The following SLC2A3 variants were observed in gnomAD, a reference collection of about 807,000 sequenced individuals.
SLC2A3 encodes the protein solute carrier family 2 member 3, also known as solute carrier family 2, facilitated glucose transporter member 3.
In SLC2A3, 21 loss-of-function variants were observed where a neutral mutation model predicts 46.4. The ratio of observed to expected loss-of-function variants is 0.45; its 90% CI spans 0.32 to 0.65. The LOEUF is 0.65. SLC2A3 is among the 30% of genes least tolerant of loss of function. The pLI, the probability that SLC2A3 is intolerant of heterozygous loss-of-function variation, is 0.04. For missense variants in SLC2A3, 499 were observed against 623.3 expected (o/e 0.80, Z 2.12); for synonymous variants, 213 against 239.4 (o/e 0.89, Z 1.02).
At chr12:7,933,273 G>A (rs1946177329) in intron 2 of SLC2A3, 126 bp from the exon 3 acceptor site, 1 of 1,049,020 alleles carries the variant, frequency 9.5e-7, no homozygotes, top group Admixed American at 2.7e-5. Context: ...GGAAGGGGCA[G>A]ATAACGTATT....
At chr12:7,932,671 G>A in intron 3 of SLC2A3, 1 of 275,336 alleles carries the variant, frequency 3.6e-6, no homozygotes. Flanking sequence ...AACAACTTCG[G>A]ACCTTGTAAA....
At chr12:7,927,440 G>A (rs1202496834) in intron 6 of SLC2A3, among the ~76,000 whole-genome samples, 2 of 152,118 alleles carry the variant, frequency 1.3e-5, no homozygotes, top group East Asian at 3.9e-4. Context: ...AAATGACTTT[G>A]CTATCTAGTG....
In SLC2A3 at chr12:7,932,676, T is replaced by G. The variant is rs766280846; in HGVS notation, c.269+311A>C. ...AATACAAGTAAACAACTTCGGACCT[T>G]GTAAATTAAGTATGTTTCTAGAAAC... is the stretch of plus-strand genomic sequence containing the variant. On this transcript the variant is annotated intron_variant, in intron 3 of 9. Transcript: ENST00000075120. 4.3e-5 allele frequency: 12 copies of G among 281,734 alleles called. No individual in the cohort carries two copies. The East Asian group carries it at 7.6e-4, about 18-fold the overall frequency. 17.5% of individuals were successfully genotyped at this position (281,734 alleles called of 1,614,324 possible).
intron 6 of SLC2A3, among the ~76,000 whole-genome samples, chr12:7,927,125 G>C (rs1392706134): frequency 6.6e-6 from 1 of 152,122 alleles, no homozygotes; most frequent in Non-Finnish European, 1.5e-5. Flanking sequence ...TCCCTAGTAC[G>C]TAAGATGTAA....
At chr12:7,931,560 C>T in intron 3 of SLC2A3, 75 bp from the exon 4 acceptor site, 2 of 1,577,544 alleles carry the variant, frequency 1.3e-6, no homozygotes, top group Non-Finnish European at 8.6e-7. Context: ...CCTCATTATT[C>T]TGTTCTTCTC....
chr12:7,928,962 CAT>C (rs1340352172), intron 6 of SLC2A3, among the ~76,000 whole-genome samples: 78 of 152,006 alleles, frequency 5.1e-4, no homozygotes, highest in African/African-American at 1.8e-3. Context: ...CTTGGCTCCT[CAT>C]AGATTCTGAC....
In SLC2A3 at chr12:7,932,928, A is replaced by C. The variant is rs145707833; in HGVS notation, c.269+59T>G. Reference sequence around the variant, plus strand: ...CATCACCTCCCTGCCCTAACTCTCCACACTTGTCCTCAATGTGGCTGGTAG... The same window carrying C: ...CATCACCTCCCTGCCCTAACTCTCCCCACTTGTCCTCAATGTGGCTGGTAG... On this transcript the variant is annotated intron_variant, in intron 3 of 9. Coordinates refer to ENST00000075120, the MANE Select transcript of SLC2A3 (RefSeq NM_006931.3). The C allele has an allele frequency of 1.0e-3, 1,606 of 1,602,214 alleles. 12 individuals carry two copies. The African/African-American group carries it at 0.018, about 18-fold the overall frequency.
intron 8 of SLC2A3, chr12:7,923,400 G>C (rs1402348621): frequency 2.8e-5 from 5 of 177,150 alleles, no homozygotes; most frequent in Non-Finnish European, 4.8e-5. Context: ...GATTATCTGA[G>C]GTCAAGAGTT....
intron 1 of SLC2A3, 36 bp from the exon 2 acceptor site, chr12:7,933,938 T>C (rs755538665): frequency 1.9e-6 from 3 of 1,577,800 alleles, no homozygotes; most frequent in Admixed American, 1.7e-5. Context: ...GAATAGTCCT[T>C]AAAACTTGTG....
rs1946153758 is a variant in SLC2A3, at chr12:7,931,322, T to A, written c.433A>T (p.Ile145Phe). The change falls in exon 4 of 10, where the codon ATC becomes TTC. Residue 145 changes from isoleucine to phenylalanine, a missense_variant. By Grantham distance (21) the Ile-to-Phe change is conservative (BLOSUM62 0). This residue lies in a region of SLC2A3 where 248 missense variants were observed against 284.0 expected (regional missense o/e 0.87). Transcript: ENST00000075120. ...GCACCCCGCAGGGCAGTAGGCGAGA[T>A]CTCTCCAATGTACATGGGCACAAAA... ...TGFVPMYIGE[I>F]SPTALRGAFG... 6.2e-7 allele frequency: 1 copy of A among 1,614,132 alleles called. No individual in the cohort carries two copies. The highest frequency in any genetic ancestry group is 8.5e-7 in the Non-Finnish European group (1 of 1,180,028).
chr12:7,921,509 A>G lies in SLC2A3; in HGVS notation c.1395T>C (p.Phe465=), dbSNP rs1946036540. 1.9e-6 allele frequency: 3 copies of G among 1,613,960 alleles called. No homozygotes were observed. The East Asian group carries it at 6.7e-5, about 36-fold the overall frequency. Residue 465 remains phenylalanine, a synonymous_variant, in exon 10 of 10, where the codon TTT becomes TTC. Transcript: ENST00000075120. ...TATCTGCACCGTGTGCCTGCCCTTC[A>G]AAGGCCCGTGTGATATCCTCAAAAG... The part of the protein sequence containing the change: ...GRTFEDITRA[F]EGQAHGADRS...
At chr12:7,931,895 T>C (rs994526393) in intron 3 of SLC2A3, among the ~76,000 whole-genome samples, 6 of 151,326 alleles carry the variant, frequency 4.0e-5, no homozygotes, top group African/African-American at 1.5e-4. Context: ...TTTTTTTTTT[T>C]TTTGGAGACG....
At chr12:7,935,661 C>G (rs896735315) in intron 1 of SLC2A3, among the ~76,000 whole-genome samples, 2 of 152,100 alleles carry the variant, frequency 1.3e-5, no homozygotes, top group African/African-American at 4.8e-5. Flanking sequence ...AGGTCTAATG[C>G]TTCCAGAGAA....
chr12:7,921,347 G>C lies in SLC2A3; in HGVS notation c.*66C>G. 6.2e-7 allele frequency: 1 copy of C among 1,608,730 alleles called. No individual in the cohort carries two copies. The highest frequency in any genetic ancestry group is 8.5e-7 in the Non-Finnish European group (1 of 1,177,184). On this transcript the variant is annotated 3_prime_UTR_variant, in exon 10 of 10. Transcript: ENST00000075120. Reference sequence around the variant, plus strand: ...AAGCGTCCTGGGTTCATCCTGATGAGGTCTCTCCCTTGTTGAGGGAGAGGT... The same window carrying C: ...AAGCGTCCTGGGTTCATCCTGATGACGTCTCTCCCTTGTTGAGGGAGAGGT...
At chr12:7,926,093 A>T (rs1338588187) in intron 6 of SLC2A3, 145 bp from the exon 7 acceptor site, 4 of 670,730 alleles carry the variant, frequency 6.0e-6, no homozygotes, top group Non-Finnish European at 1.0e-5. Flanking sequence ...CTGCAAATGA[A>T]TTATCTTCTG....
At position 7,919,480 on chromosome 12, in the gene SLC2A3, G is replaced by A. The variant is rs993160472; in HGVS notation, c.*1933C>T. On this transcript the variant is annotated 3_prime_UTR_variant, in exon 10 of 10. Coordinates refer to ENST00000075120, the MANE Select transcript of SLC2A3 (RefSeq NM_006931.3). The stretch of plus-strand genomic sequence containing the variant: ...CCTGTGGCCCAGGCTAGAGTGCAAT[G>A]ATGCGATCTCCGCTCACTGCAACCC... 3 of 151,578 alleles carry A rather than the reference G, an allele frequency of 2.0e-5. No homozygotes were observed. Among genetic ancestry groups the A allele is most frequent in the Non-Finnish European group, 4.4e-5 (3 of 67,934 alleles). The allele number at this position is 151,578 out of a possible 1,614,324, so 9.4% of individuals were successfully genotyped here.
intron 8 of SLC2A3, 35 bp downstream of exon 8, chr12:7,924,374 TC>T: frequency 1.2e-6 from 2 of 1,606,876 alleles, no homozygotes; most frequent in Non-Finnish European, 1.7e-6. Context: ...CTCTCTTCTT[TC>T]CCCCTCCCTT....
intron 6 of SLC2A3, among the ~76,000 whole-genome samples, chr12:7,927,777 C>T: frequency 6.6e-6 from 1 of 152,062 alleles, no homozygotes; most frequent in East Asian, 1.9e-4. Context: ...CCAGCTTAGT[C>T]CAACAATAAT....
At chr12:7,934,150 A>G (rs1423077585) in intron 1 of SLC2A3, among the ~76,000 whole-genome samples, 2 of 152,146 alleles carry the variant, frequency 1.3e-5, no homozygotes, top group Non-Finnish European at 2.9e-5. Flanking sequence ...AGAAGTTAAG[A>G]GAAACTGGGT....
Sources: allele counts gnomAD v4.1 joint callset (sites outside exome capture counted in the v4.1 genomes callset), GRCh38; gene constraint gnomAD v4.1.1; regional missense constraint gnomAD v4.1.1; transcripts MANE v1.5; gene names NCBI Gene and HGNC (gene_info 2026-07-23, HGNC 2026-07-21).